The following TMEM184B variants were observed in gnomAD, a reference collection of about 807,000 sequenced individuals.
The protein encoded by TMEM184B is putative MAPK-activating protein FM08.
TMEM184B carries 17 observed loss-of-function variants against 41.8 expected under a neutral mutation model. The observed-to-expected ratio is 0.41, with a 90% CI of 0.28 to 0.61. TMEM184B has a LOEUF of 0.61. TMEM184B is among the 20% of genes least tolerant of loss of function. The pLI is 0.34. For missense variants in TMEM184B, 393 were observed against 557.8 expected (o/e 0.70, Z 2.98); for synonymous variants, 240 against 229.5 (o/e 1.05, Z -0.41).
intron 2 of TMEM184B, 152 bp from the exon 3 acceptor site, chr22:38,246,252 T>C (rs561977511): frequency 5.7e-4 from 542 of 950,182 alleles, no homozygotes; most frequent in Non-Finnish European, 7.3e-4. Flanking sequence ...AAATGCGGGA[T>C]GACAGGACTT....
chr22:38,247,991 G>A lies in TMEM184B; in HGVS notation c.-30C>T, dbSNP rs919645302. 19 of 1,539,286 alleles carry A rather than the reference G, an allele frequency of 1.2e-5. No individual in the cohort carries two copies. Among genetic ancestry groups the A allele is most frequent in the Non-Finnish European group, 1.7e-5 (19 of 1,148,346 alleles). On this transcript the variant is annotated 5_prime_UTR_variant, in exon 2 of 9. Transcript: ENST00000361906. ...CCTGGCAGCAGGAGGCTCCCTGAGG[G>A]AAACCTTTGCAGAAAGTGACAAGCT...
intron 1 of TMEM184B, among the ~76,000 whole-genome samples, chr22:38,266,691 G>A (rs1188790631): frequency 6.6e-6 from 1 of 152,246 alleles, no homozygotes; most frequent in Admixed American, 6.5e-5. Context: ...TGCCTAGAAA[G>A]AACATCTGCC....
chr22:38,227,154 G>A (rs1312256656), intron 5 of TMEM184B, among the ~76,000 whole-genome samples: 5 of 152,196 alleles, frequency 3.3e-5, no homozygotes, highest in South Asian at 4.2e-4. Context: ...TGCAGCCAGC[G>A]CAATGCCGTA....
At chr22:38,253,072 G>A (rs1300120325) in intron 1 of TMEM184B, among the ~76,000 whole-genome samples, 1 of 152,118 alleles carries the variant, frequency 6.6e-6, no homozygotes, top group Non-Finnish European at 1.5e-5. Context: ...AACCCGGGAG[G>A]CAGAGCTTGC....
chr22:38,257,143 T>C (rs2092295172), intron 1 of TMEM184B, among the ~76,000 whole-genome samples: 1 of 151,722 alleles, frequency 6.6e-6, no homozygotes, highest in South Asian at 2.1e-4. Flanking sequence ...CAAAACAATA[T>C]GTCTGTCACT....
chr22:38,230,880 G>A, intron 4 of TMEM184B, 136 bp from the exon 5 acceptor site: 7 of 825,958 alleles, frequency 8.5e-6, no homozygotes, highest in Non-Finnish European at 1.4e-5. Context: ...TGAACCCGAG[G>A]CCAAGCACAG....
chr22:38,260,046 G>T (rs1275277929), intron 1 of TMEM184B, among the ~76,000 whole-genome samples: 1 of 151,150 alleles, frequency 6.6e-6, no homozygotes, highest in African/African-American at 2.4e-5. Context: ...CAGTAACTGG[G>T]ACTACAGGCG....
At chr22:38,255,724 A>C (rs2092266026) in intron 1 of TMEM184B, among the ~76,000 whole-genome samples, 1 of 152,236 alleles carries the variant, frequency 6.6e-6, no homozygotes, top group Non-Finnish European at 1.5e-5. Context: ...GATACACACA[A>C]GTGATCTGGA....
rs774948469 is a variant in TMEM184B, at chr22:38,221,726, C to T, written c.983-16G>A. ...GCACAGCGGCCTGCCGGGCAGGGAG[C>T]GGGAGGGGCAGGTGAGGAGGCTGGG... On this transcript the variant is annotated splice_polypyrimidine_tract_variant and intron_variant, in intron 8 of 8. Transcript: ENST00000361906. 7 of 1,611,918 alleles carry T rather than the reference C, an allele frequency of 4.3e-6. No homozygotes were observed. Among genetic ancestry groups the T allele is most frequent in the East Asian group, 4.5e-5 (2 of 44,876 alleles).
At chr22:38,259,242 T>C (rs529500934) in intron 1 of TMEM184B, among the ~76,000 whole-genome samples, 6 of 152,364 alleles carry the variant, frequency 3.9e-5, no homozygotes, top group Non-Finnish European at 5.9e-5. Context: ...GACACCTTAC[T>C]GCTGCTATCC....
chr22:38,267,083 C>CAA (rs135719), intron 1 of TMEM184B, among the ~76,000 whole-genome samples: 3 of 109,978 alleles, frequency 2.7e-5, no homozygotes, highest in Non-Finnish European at 3.7e-5. Flanking sequence ...AACTCTGTCT[C>CAA]AAAAAAAAAA....
rs890076667 is a variant in TMEM184B, at chr22:38,226,689, C to T, written c.617+90G>A. On this transcript the variant is annotated intron_variant, in intron 6 of 8. Coordinates refer to ENST00000361906, the MANE Select transcript of TMEM184B (RefSeq NM_012264.5). This position sits in a 1 kb window ranked among gnomAD's most constrained non-coding sequence, Gnocchi z 4.6. The stretch of plus-strand genomic sequence containing the variant: ...GACACCCAGGAAGGTCATGGCTGTG[C>T]GGCCACTCTGGCTGCCCCCTTCCCT... The T allele has an allele frequency of 7.6e-5, 100 of 1,310,292 alleles. No homozygotes were observed. Among genetic ancestry groups the T allele is most frequent in the South Asian group, 5.8e-4 (44 of 75,218 alleles). The allele number at this position is 1,310,292 out of a possible 1,614,324, so 81.2% of individuals were successfully genotyped here.
chr22:38,266,809 T>C (rs1442433514), intron 1 of TMEM184B, among the ~76,000 whole-genome samples: 8 of 152,134 alleles, frequency 5.3e-5, no homozygotes, highest in Non-Finnish European at 7.4e-5. Flanking sequence ...TACGGCCGGG[T>C]ACGGTGGCTC....
At chr22:38,218,878 G>A (rs115294897), downstream of TMEM184B, among the ~76,000 whole-genome samples, 149 of 152,270 alleles carry the variant, frequency 9.8e-4, no homozygotes, top group African/African-American at 3.5e-3. Context: ...CACAGCCAGC[G>A]GCCCCCTGCC....
Position 38,220,753 on chromosome 22 carries a change from G to A in TMEM184B, c.*716C>T. ...GTGGGCTGTCCTTGGTAGGCCAGGG[G>A]GAAGGGGCATGAGGCAGGCAGAGGT... is the stretch of plus-strand genomic sequence containing the variant. On this transcript the variant is annotated 3_prime_UTR_variant, in exon 9 of 9. Transcript: ENST00000361906. 2.0e-6 allele frequency: 2 copies of A among 986,338 alleles called. No homozygotes were observed. The highest frequency in any genetic ancestry group is 1.2e-6 in the Non-Finnish European group (1 of 830,286). 61.1% of individuals were successfully genotyped at this position (986,338 alleles called of 1,614,324 possible).
chr22:38,219,365 T>G lies in TMEM184B; in HGVS notation c.*2104A>C. 1 of 985,842 alleles carries G rather than the reference T, an allele frequency of 1.0e-6. No homozygotes were observed. The allele number at this position is 985,842 out of a possible 1,614,324, so 61.1% of individuals were successfully genotyped here. On this transcript the variant is annotated 3_prime_UTR_variant, in exon 9 of 9. Transcript: ENST00000361906. ...TTTATTTGCTCACTTCTGTCACGCA[T>G]TTAAAATGTCACAGAGACCAAAATA...
At chr22:38,229,365 C>T (rs960085977) in intron 5 of TMEM184B, among the ~76,000 whole-genome samples, 4 of 152,262 alleles carry the variant, frequency 2.6e-5, no homozygotes, top group African/African-American at 9.6e-5. Context: ...AGCTCTACAT[C>T]CATGACCTCA....
chr22:38,225,439 G>A lies in TMEM184B; in HGVS notation c.772C>T (p.Leu258Phe). The A allele has an allele frequency of 6.4e-7, 1 of 1,573,254 alleles. No individual in the cohort carries two copies. Among genetic ancestry groups the A allele is most frequent in the South Asian group, 1.2e-5 (1 of 86,414 alleles). ...GGGGGCTCACCTTGCCAGAAGGAAA[G>A]AAAGATGACGGACTTGACCATGAAG... is the stretch of plus-strand genomic sequence containing the variant. The part of the protein sequence containing the change: ...KFFMVKSVIF[L>F]SFWQGMLLAI... The change falls in exon 7 of 9, where the codon CTT becomes TTT. Residue 258 changes from leucine (L) to phenylalanine (F), a missense_variant. By Grantham distance (22) the Leu-to-Phe change is conservative (BLOSUM62 0). This residue lies in a region of TMEM184B where 271 missense variants were observed against 434.1 expected (regional missense o/e 0.62). Coordinates refer to ENST00000361906, the MANE Select transcript of TMEM184B (RefSeq NM_012264.5). The surrounding 1 kb of genome is among the most constrained non-coding windows in gnomAD (Gnocchi z 4.4).
rs117610622 is a variant in TMEM184B at position 38,238,516 on chromosome 22, G to A, written c.359-7182C>T. On this transcript the variant is annotated intron_variant, in intron 3 of 8. Coordinates refer to ENST00000361906, the MANE Select transcript of TMEM184B (RefSeq NM_012264.5). ...TGGGATTATAGGCGTGAGCCACCGC[G>A]CCTGGCCACTATCGAGGTCTTATAA... 4.8e-4 allele frequency among the ~76,000 whole-genome samples: 73 copies of A among 152,322 alleles called. No homozygotes were observed. In the East Asian group the frequency reaches 0.011, roughly 24 times the overall value.
Sources: allele counts gnomAD v4.1 joint callset (sites outside exome capture counted in the v4.1 genomes callset), GRCh38; gene constraint gnomAD v4.1.1; regional missense constraint gnomAD v4.1.1; non-coding constraint Gnocchi (gnomAD v3.1); transcripts MANE v1.5; gene names NCBI Gene and HGNC (gene_info 2026-07-23, HGNC 2026-07-21).